The following ASXL2 variants were observed in gnomAD, a reference collection of about 807,000 sequenced individuals.
The protein encoded by ASXL2 is ASXL transcriptional regulator 2, also known as putative Polycomb group protein ASXL2.
ASXL2 carries 23 observed loss-of-function variants against 122.0 expected under a neutral mutation model. That is an observed-to-expected ratio of 0.19 (90% CI 0.14 to 0.27). The LOEUF is 0.27. Ranked by LOEUF, ASXL2 falls within the 10% of genes least tolerant of loss-of-function variation. The probability of loss-of-function intolerance (pLI) is 1.00; values close to 1 mark genes in which losing one functional copy is unlikely to be tolerated. For missense variants in ASXL2, 1,518 were observed against 1,713.8 expected, an observed-to-expected ratio of 0.89 and a Z score of 2.02; for synonymous variants, 650 against 637.0, an observed-to-expected ratio of 1.02 and a Z score of -0.31.
rs2087742617 is a variant in ASXL2, at chr2:25,736,772, G to A, written c.*5257C>T. 1 of 152,104 alleles carries A rather than the reference G, an allele frequency of 6.6e-6. No individual in the cohort carries two copies. The highest frequency in any genetic ancestry group is 1.5e-5 in the Non-Finnish European group (1 of 68,004). The allele number at this position is 152,104 out of a possible 1,614,324, so 9.4% of individuals were successfully genotyped here. ...AACTACAATAAAAAGTCAGTTTTAT[G>A]GGTCATCAAGATACACTCTCGAAAA... On this transcript the variant is annotated 3_prime_UTR_variant, in exon 13 of 13. Transcript: ENST00000435504.
At position 25,741,320 on chromosome 2, in the gene ASXL2, G is replaced by A; in HGVS notation, c.*709C>T. The A allele has an allele frequency of 9.0e-6, 2 of 221,898 alleles. No individual in the cohort carries two copies. The highest frequency in any genetic ancestry group is 6.6e-5 in the East Asian group (1 of 15,228). 13.7% of individuals were successfully genotyped at this position (221,898 alleles called of 1,614,324 possible). A position where few individuals can be genotyped will look rare whatever the true frequency, so the allele number is the denominator to read the frequency against. On this transcript the variant is annotated 3_prime_UTR_variant, in exon 13 of 13. Coordinates refer to ENST00000435504, the MANE Select transcript of ASXL2 (RefSeq NM_018263.6). ...GGGCAGGGGGTGGGATTAGGGAACA[G>A]CAGGGATCCACAAATTCCAAGCAGA...
chr2:25,744,979 ACT>A lies in ASXL2; in HGVS notation c.1861-505_1861-504del, dbSNP rs2087917277. 7.3e-6 allele frequency among the ~76,000 whole-genome samples: 1 copy of A among 137,412 alleles called. No homozygotes were observed. Among genetic ancestry groups the A allele is most frequent in the South Asian group, 2.4e-4 (1 of 4,250 alleles). The allele number at this position is 137,412 out of a possible 152,430, so 90.1% of individuals were successfully genotyped here. On this transcript the variant is annotated intron_variant, in intron 12 of 12. Coordinates refer to ENST00000435504, the MANE Select transcript of ASXL2 (RefSeq NM_018263.6). The surrounding 1 kb of genome is among the most constrained non-coding windows in gnomAD (Gnocchi z 4.7). ...CACACACACACACACACACACACAC[ACT>A]TGGGCTGGATTATCTCAAATTACAC... is the stretch of plus-strand genomic sequence containing the variant.
intron 1 of ASXL2, among the ~76,000 whole-genome samples, chr2:25,864,833 AT>A (rs11358919): frequency 0.013 from 1,834 of 143,984 alleles, 33 homozygotes; most frequent in East Asian, 0.048. Context: ...ACAATTTACA[AT>A]TTTTTTTTTT....
intron 5 of ASXL2, among the ~76,000 whole-genome samples, chr2:25,787,786 T>C (rs1324972786): frequency 6.6e-6 from 1 of 152,054 alleles, no homozygotes. Context: ...AAAAAGTCAA[T>C]AGAACTAAAA....
intron 4 of ASXL2, among the ~76,000 whole-genome samples, chr2:25,802,900 G>A (rs894869250): frequency 6.6e-6 from 1 of 152,216 alleles, no homozygotes; most frequent in Non-Finnish European, 1.5e-5. Flanking sequence ...GTAGGCCAAG[G>A]CAGGCAGATC....
chr2:25,750,373 A>G lies in ASXL2; in HGVS notation c.1183T>C (p.Ser395Pro). ...TTCTTTACTTTGGGATCACTGGGAG[A>G]AGCTGTCAATTTCTTAGAATCTTCA... ...SLEDSKKLTASPSDPKVKKTP... is the reference protein window; with the variant it reads ...SLEDSKKLTAPPSDPKVKKTP... The change falls in exon 12 of 13, where the codon TCT becomes CCT. Residue 395 changes from serine (S) to proline (P), a missense_variant. Around this residue, in one of 8 missense-constraint regions of ASXL2, gnomAD observed 92 missense variants for 156.6 expected, o/e 0.59. Transcript: ENST00000435504. 1.2e-6 allele frequency: 2 copies of G among 1,610,046 alleles called. No individual in the cohort carries two copies. Among genetic ancestry groups the G allele is most frequent in the Non-Finnish European group, 1.7e-6 (2 of 1,178,956 alleles).
chr2:25,857,383 G>A (rs1016010494), intron 1 of ASXL2, among the ~76,000 whole-genome samples: 2 of 152,178 alleles, frequency 1.3e-5, no homozygotes, highest in Admixed American at 6.5e-5. Flanking sequence ...GACAAGGATT[G>A]TACCTATATG....
At chr2:25,844,200 C>T (rs1325110746) in intron 2 of ASXL2, among the ~76,000 whole-genome samples, 1 of 152,164 alleles carries the variant, frequency 6.6e-6, no homozygotes, top group African/African-American at 2.4e-5. Context: ...GAAAATCTAA[C>T]ATAGACTCCC....
chr2:25,842,437 A>AT (rs1026557069), intron 2 of ASXL2, among the ~76,000 whole-genome samples: 3 of 151,854 alleles, frequency 2.0e-5, no homozygotes, highest in African/African-American at 7.3e-5. Context: ...AAACTCTTCC[A>AT]TTTTTTCCTG....
rs2087801243 is a variant in ASXL2, at chr2:25,740,059, C to T, written c.*1970G>A. On this transcript the variant is annotated 3_prime_UTR_variant, in exon 13 of 13. Coordinates refer to ENST00000435504, the MANE Select transcript of ASXL2 (RefSeq NM_018263.6). ...GAAAATATACTCCTTATCCCCAATC[C>T]TTGCAGCCTTCTTATCTCTTAGCTG... 1 of 226,586 alleles carries T rather than the reference C, an allele frequency of 4.4e-6. No individual in the cohort carries two copies. Among genetic ancestry groups the T allele is most frequent in the African/African-American group, 2.2e-5 (1 of 45,120 alleles). 14.0% of individuals were successfully genotyped at this position (226,586 alleles called of 1,614,324 possible). A position where few individuals can be genotyped will look rare whatever the true frequency, so the allele number is the denominator to read the frequency against.
chr2:25,811,100 A>ACACACACACACACAC (rs1559518075), intron 3 of ASXL2, among the ~76,000 whole-genome samples: 5 of 149,722 alleles, frequency 3.3e-5, no homozygotes, highest in African/African-American at 1.2e-4. Context: ...ACACACACAC[A>ACACACACACACACAC]AAATCAGCCA....
At chr2:25,834,318 A>C (rs1396806824) in intron 3 of ASXL2, among the ~76,000 whole-genome samples, 1 of 152,018 alleles carries the variant, frequency 6.6e-6, no homozygotes, top group African/African-American at 2.4e-5. Context: ...ATGCCACTCC[A>C]CTCCAGCTTG....
chr2:25,798,514 A>G (rs1198681905), intron 5 of ASXL2, among the ~76,000 whole-genome samples: 1 of 152,224 alleles, frequency 6.6e-6, no homozygotes, highest in African/African-American at 2.4e-5. Context: ...CTGTAATCCC[A>G]GCATTTTGGG....
rs1162826970 is a variant in ASXL2, at chr2:25,743,460, G to A, written c.2877C>T (p.Gly959=). 6.2e-7 allele frequency: 1 copy of A among 1,613,766 alleles called. No individual in the cohort carries two copies. Among genetic ancestry groups the A allele is most frequent in the South Asian group, 1.1e-5 (1 of 91,084 alleles). The change falls in exon 13 of 13, where the codon GGC becomes GGT. Residue 959 remains glycine, a synonymous_variant. Transcript: ENST00000435504. ...GAATTTGCTCCATGGGAACATCTTT[G>A]CCTTGAAGCAGCTGAGTCACTAAAG... The part of the protein sequence containing the change: ...NNPLVTQLLQ[G]KDVPMEQILP...
chr2:25,778,776 A>T (rs1574411648), intron 5 of ASXL2, among the ~76,000 whole-genome samples: 2 of 152,278 alleles, frequency 1.3e-5, no homozygotes, highest in South Asian at 2.1e-4. Flanking sequence ...CTGTCACAGA[A>T]AGTTGTCCCA....
intron 9 of ASXL2, among the ~76,000 whole-genome samples, chr2:25,757,944 T>C (rs903846882): frequency 2.1e-5 from 3 of 143,506 alleles, no homozygotes; most frequent in Admixed American, 2.1e-4. Flanking sequence ...AAAAAAAAGA[T>C]GAGAGCAATC....
At chr2:25,871,293 G>T (rs913886334) in intron 1 of ASXL2, among the ~76,000 whole-genome samples, 3 of 152,086 alleles carry the variant, frequency 2.0e-5, no homozygotes, top group Non-Finnish European at 2.9e-5. Context: ...TTTCGTAGAG[G>T]GGGGGAAAAA....
chr2:25,753,920 C>T (rs985899544), intron 10 of ASXL2, among the ~76,000 whole-genome samples: 4 of 152,192 alleles, frequency 2.6e-5, no homozygotes, highest in African/African-American at 9.7e-5. Context: ...CCAAGCATCA[C>T]ACTCCATACA....
rs976651500 is a variant in ASXL2, at chr2:25,735,834, C to A, written c.*6195G>T. The A allele has an allele frequency of 2.6e-5, 4 of 152,162 alleles. No homozygotes were observed. Among genetic ancestry groups the A allele is most frequent in the African/African-American group, 9.6e-5 (4 of 41,454 alleles). The allele number at this position is 152,162 out of a possible 1,614,324, so 9.4% of individuals were successfully genotyped here. ...TGGCTCCTCATTTCCACACTTTTTT[C>A]ATCTAGGGACCTTCTTTCTTCATGT... On this transcript the variant is annotated 3_prime_UTR_variant, in exon 13 of 13. Transcript: ENST00000435504.
Sources: allele counts gnomAD v4.1 joint callset (sites outside exome capture counted in the v4.1 genomes callset), GRCh38; gene constraint gnomAD v4.1.1; regional missense constraint gnomAD v4.1.1; non-coding constraint Gnocchi (gnomAD v3.1); transcripts MANE v1.5; gene names NCBI Gene and HGNC (gene_info 2026-07-23, HGNC 2026-07-21).